PCDHA1: variants seen among roughly 807,000 people sequenced by gnomAD.
The protein encoded by PCDHA1 is protocadherin alpha-1.
In PCDHA1, 42 loss-of-function variants were observed where a neutral mutation model predicts 61.3. The ratio of observed to expected loss-of-function variants is 0.69; its 90% CI spans 0.54 to 0.89. The LOEUF is 0.89. Among genes scored for constraint, PCDHA1 ranks in the 40% least tolerant of loss-of-function variants. The pLI, the probability that PCDHA1 is intolerant of heterozygous loss-of-function variation, is 0.00. For missense variants in PCDHA1, 1,256 were observed against 1,235.3 expected (o/e 1.02, Z -0.25); for synonymous variants, 610 against 553.8 (o/e 1.10, Z -1.43).
At chr5:140,928,878 G>A (rs1563110550) in intron 1 of PCDHA1, 6 of 1,614,194 alleles carry the variant, frequency 3.7e-6, no homozygotes, top group Non-Finnish European at 4.2e-6. Flanking sequence ...CTGTCCCTCA[G>A]TTACTTCCAG....
intron 3 of PCDHA1, among the ~76,000 whole-genome samples, chr5:140,984,886 C>A (rs1254649508): frequency 1.3e-5 from 2 of 151,720 alleles, no homozygotes; most frequent in Non-Finnish European, 2.9e-5. Context: ...ACCATGAGAA[C>A]TAAAGGAGAA....
chr5:140,921,634 T>C (rs1324251436), intron 1 of PCDHA1, among the ~76,000 whole-genome samples: 1 of 152,220 alleles, frequency 6.6e-6, no homozygotes, highest in Non-Finnish European at 1.5e-5. Context: ...ATCATTATGG[T>C]AGCTATTTTA....
In PCDHA1 at chr5:140,786,154, G is replaced by A. The variant is rs1554117294; in HGVS notation, c.-137G>A. On this transcript the variant is annotated 5_prime_UTR_variant, in exon 1 of 4. The change creates a new upstream start codon in the 5' untranslated region. Transcript: ENST00000504120. Reference sequence around the variant, plus strand: ...AGAAGGGAGCTACTGATCACTAAAAGTGAAGGAGGAAGCTCCATTTTGTCA... The same window carrying A: ...AGAAGGGAGCTACTGATCACTAAAAATGAAGGAGGAAGCTCCATTTTGTCA... The A allele has an allele frequency of 1.1e-5, 12 of 1,123,620 alleles. No homozygotes were observed. The East Asian group carries it at 2.6e-4, about 24-fold the overall frequency. 69.6% of individuals were successfully genotyped at this position (1,123,620 alleles called of 1,614,324 possible).
chr5:140,929,465 A>G (rs2086179280), intron 1 of PCDHA1: 1 of 1,322,058 alleles, frequency 7.6e-7, no homozygotes, highest in African/African-American at 1.5e-5. Flanking sequence ...CTGTGCCAAG[A>G]AATCTGGAAG....
chr5:140,967,684 G>A (rs1404001288), intron 1 of PCDHA1: 2 of 1,614,074 alleles, frequency 1.2e-6, no homozygotes, highest in Non-Finnish European at 8.5e-7. Context: ...GGGAGAGGCA[G>A]CTCTTCAGCA....
intron 1 of PCDHA1, chr5:140,877,885 T>C: frequency 1.4e-6 from 2 of 1,463,874 alleles, no homozygotes; most frequent in Non-Finnish European, 1.8e-6. Flanking sequence ...CTTGAAGAAC[T>C]TCCGTTTAGG....
chr5:140,952,010 C>A (rs1188540877), intron 1 of PCDHA1, among the ~76,000 whole-genome samples: 2 of 152,128 alleles, frequency 1.3e-5, no homozygotes, highest in Non-Finnish European at 2.9e-5. Flanking sequence ...GAATTATAGG[C>A]CCCATGCAAG....
intron 1 of PCDHA1, among the ~76,000 whole-genome samples, chr5:140,911,053 G>A (rs2075311912): frequency 6.6e-6 from 1 of 152,090 alleles, no homozygotes. Flanking sequence ...GGGGTGGTGG[G>A]GGGTGGGTCC....
At chr5:140,839,133 T>C (rs1776048029) in intron 1 of PCDHA1, among the ~76,000 whole-genome samples, 1 of 149,316 alleles carries the variant, frequency 6.7e-6, no homozygotes, top group Non-Finnish European at 1.5e-5. Context: ...GTCATTCACA[T>C]AAGCAGACCA....
chr5:140,800,936 A>G, intron 1 of PCDHA1: 1 of 916,910 alleles, frequency 1.1e-6, no homozygotes, highest in Non-Finnish European at 1.4e-6. Flanking sequence ...AAATTTTGGG[A>G]AAGTTCAAAC....
At position 141,011,145 on chromosome 5, in the gene PCDHA1, TCTC is replaced by T. The variant is rs1410974061; in HGVS notation, c.*1209_*1211del. The T allele has an allele frequency of 6.5e-6, 1 of 153,734 alleles. No individual in the cohort carries two copies. Among genetic ancestry groups the T allele is most frequent in the Non-Finnish European group, 1.5e-5 (1 of 68,036 alleles). 9.5% of individuals were successfully genotyped at this position (153,734 alleles called of 1,614,324 possible). A position where few individuals can be genotyped will look rare whatever the true frequency, so the allele number is the denominator to read the frequency against. On this transcript the variant is annotated 3_prime_UTR_variant, in exon 4 of 4. Transcript: ENST00000504120. Reference sequence around the variant, plus strand: ...TTATGTGCACTTTGATACACAACCTTCTCTAACCAACTATATATCAAGACCCAA... The same window carrying T: ...TTATGTGCACTTTGATACACAACCTTTAACCAACTATATATCAAGACCCAA...
chr5:140,825,061 G>T (rs1768438127), intron 1 of PCDHA1: 1 of 151,790 alleles, frequency 6.6e-6, no homozygotes, highest in Admixed American at 6.6e-5. Flanking sequence ...CCTTCATGAA[G>T]CCAAAACATT....
intron 1 of PCDHA1, chr5:140,871,163 GC>G: frequency 6.2e-7 from 1 of 1,613,476 alleles, no homozygotes; most frequent in Non-Finnish European, 8.5e-7. Context: ...GGCGCCGCGA[GC>G]CCAGAGGCTG....
At chr5:140,866,122 C>T (rs556292123) in intron 1 of PCDHA1, 1 of 152,178 alleles carries the variant, frequency 6.6e-6, no homozygotes, top group East Asian at 1.9e-4. Flanking sequence ...CTTATAAGAA[C>T]TACGTATCTG....
chr5:140,870,302 T>A (rs782099481), intron 1 of PCDHA1: 9 of 1,614,020 alleles, frequency 5.6e-6, no homozygotes, highest in South Asian at 4.4e-5. Flanking sequence ...GTGTCCACCT[T>A]CAAGAATTAC....
At chr5:140,858,420 G>C in intron 1 of PCDHA1, 4 of 1,558,504 alleles carry the variant, frequency 2.6e-6, no homozygotes, top group South Asian at 1.1e-5. Context: ...TCTATTGGAG[G>C]GGACCACTCT....
intron 1 of PCDHA1, among the ~76,000 whole-genome samples, chr5:140,844,013 C>A (rs1015377164): frequency 2.0e-5 from 3 of 149,622 alleles, no homozygotes; most frequent in Non-Finnish European, 3.0e-5. Flanking sequence ...ACTCTAAGGA[C>A]GTTCAGGGCA....
At chr5:140,822,479 A>C in intron 1 of PCDHA1, 1 of 1,613,856 alleles carries the variant, frequency 6.2e-7, no homozygotes, top group East Asian at 2.2e-5. Context: ...TTGGATGCTA[A>C]TGATAACGCC....
chr5:140,951,959 A>C (rs2094664205), intron 1 of PCDHA1, among the ~76,000 whole-genome samples: 1 of 152,202 alleles, frequency 6.6e-6, no homozygotes, highest in Admixed American at 6.5e-5. Context: ...GGCATTGGGT[A>C]AATACTCCTG....
Sources: gnomAD v4.1 joint callset for allele counts (sites outside exome capture counted in the v4.1 genomes callset) on GRCh38, gnomAD v4.1.1 for gene constraint, MANE v1.5 for transcripts, NCBI Gene and HGNC (gene_info 2026-07-23, HGNC 2026-07-21) for gene names.